The following CLVS1 variants were observed in gnomAD, a reference collection of about 807,000 sequenced individuals.
The protein encoded by CLVS1 is clavesin 1.
Under a neutral mutation model 33.1 loss-of-function variants are expected in CLVS1, and 10 were observed. The observed-to-expected ratio is 0.30, with a 90% CI of 0.19 to 0.51. The LOEUF (loss-of-function observed/expected upper bound fraction) is 0.51. Ranked by LOEUF, CLVS1 falls within the 20% of genes least tolerant of loss-of-function variation. The probability of loss-of-function intolerance (pLI) is 0.97; values close to 1 mark genes in which losing one functional copy is unlikely to be tolerated. For missense variants in CLVS1, 343 were observed against 433.4 expected, an observed-to-expected ratio of 0.79 and a Z score of 1.85; for synonymous variants, 163 against 166.1, an observed-to-expected ratio of 0.98 and a Z score of 0.14.
intron 3 of CLVS1, 63 bp downstream of exon 3, chr8:61,376,842 G>A (rs369730338): frequency 1.6e-5 from 22 of 1,407,510 alleles, no homozygotes; most frequent in African/African-American, 1.0e-4. Context: ...AAAAATTATC[G>A]CAACCAAAGT....
chr8:61,089,861 C>T (rs1302420987), intron 1 of CLVS1, among the ~76,000 whole-genome samples: 2 of 152,134 alleles, frequency 1.3e-5, no homozygotes, highest in Non-Finnish European at 2.9e-5. Context: ...ATCCAAGGCT[C>T]AGGTGAGCTG....
chr8:60,989,868 G>A, the CLVS1 span, among the ~76,000 whole-genome samples: 1 of 152,036 alleles, frequency 6.6e-6, no homozygotes, highest in Non-Finnish European at 1.5e-5. Context: ...ACTCATGCCT[G>A]TAATACCAGC....
intron 2 of CLVS1, among the ~76,000 whole-genome samples, chr8:61,163,774 A>G (rs1346624943): frequency 6.6e-6 from 1 of 152,208 alleles, no homozygotes; most frequent in Non-Finnish European, 1.5e-5. Flanking sequence ...GAACAATAGC[A>G]AGCCTTTAGG....
chr8:61,418,726 A>G (rs1202162873), intron 3 of CLVS1, among the ~76,000 whole-genome samples: 1 of 152,252 alleles, frequency 6.6e-6, no homozygotes, highest in East Asian at 1.9e-4. Context: ...GAAGCTTACA[A>G]GATGATCAGG....
chr8:61,255,498 A>C (rs1809059096), intron 2 of CLVS1, among the ~76,000 whole-genome samples: 1 of 152,216 alleles, frequency 6.6e-6, no homozygotes, highest in Non-Finnish European at 1.5e-5. Context: ...GTGTGTGTGG[A>C]GAGGTGAAGG....
chr8:61,293,280 A>G (rs1810062549), intron 1 of CLVS1, among the ~76,000 whole-genome samples: 1 of 152,162 alleles, frequency 6.6e-6, no homozygotes, highest in Non-Finnish European at 1.5e-5. Flanking sequence ...CAGATAGTTT[A>G]TATCTGTAAG....
chr8:61,304,822 G>C (rs1350186171), intron 2 of CLVS1, among the ~76,000 whole-genome samples: 1 of 152,070 alleles, frequency 6.6e-6, no homozygotes, highest in African/African-American at 2.4e-5. Context: ...AGGAAAAAAA[G>C]GTTAAAATTG....
chr8:61,244,505 G>T (rs550265662), intron 2 of CLVS1, among the ~76,000 whole-genome samples: 10 of 152,152 alleles, frequency 6.6e-5, no homozygotes, highest in African/African-American at 2.4e-4. Context: ...TTTTAATGTT[G>T]TTCAGTTCTT....
Position 61,288,069 on chromosome 8 carries a change from C to T in CLVS1, c.-221C>T, listed in dbSNP as rs574238705. 59 of 455,836 alleles carry T rather than the reference C, an allele frequency of 1.3e-4. No individual in the cohort carries two copies. Among genetic ancestry groups the T allele is most frequent in the Non-Finnish European group, 2.4e-4 (55 of 226,716 alleles). The allele number at this position is 455,836 out of a possible 1,614,324, so 28.2% of individuals were successfully genotyped here. The stretch of plus-strand genomic sequence containing the variant: ...AACCTGCCAGAATAGGGGATCTCAC[C>T]CACCCAGTTCAGCAGCGAGGACACC... On this transcript the variant is annotated 5_prime_UTR_variant, in exon 1 of 6. Coordinates refer to ENST00000325897, the MANE Select transcript of CLVS1 (RefSeq NM_173519.3).
chr8:61,302,288 A>G (rs1039491601), intron 2 of CLVS1, among the ~76,000 whole-genome samples: 3 of 152,228 alleles, frequency 2.0e-5, no homozygotes, highest in African/African-American at 7.2e-5. Context: ...ATGGAATAAC[A>G]TATCATATAT....
At chr8:61,355,339 A>C (rs867866798) in intron 2 of CLVS1, among the ~76,000 whole-genome samples, 9 of 152,020 alleles carry the variant, frequency 5.9e-5, no homozygotes, top group Admixed American at 1.3e-4. Flanking sequence ...TCAATTCAAA[A>C]TCAGTTGGAA....
chr8:61,091,010 A>G, intron 1 of CLVS1: 1 of 469,494 alleles, frequency 2.1e-6, no homozygotes, highest in South Asian at 1.6e-5. Context: ...ATACATTTGC[A>G]CCCTAATCCC....
chr8:61,493,375 A>T (rs1804162061), intron 5 of CLVS1, among the ~76,000 whole-genome samples: 1 of 152,258 alleles, frequency 6.6e-6, no homozygotes, highest in Non-Finnish European at 1.5e-5. Context: ...CTTATCTGCA[A>T]ATAGAGAAGA....
At chr8:61,048,771 C>T in the CLVS1 span, among the ~76,000 whole-genome samples, 2 of 152,158 alleles carry the variant, frequency 1.3e-5, no homozygotes, top group Non-Finnish European at 2.9e-5. Context: ...AGGCTAGACT[C>T]TACCTGAGAC....
At chr8:61,387,744 C>T (rs557709579) in intron 3 of CLVS1, among the ~76,000 whole-genome samples, 1 of 152,134 alleles carries the variant, frequency 6.6e-6, no homozygotes, top group Non-Finnish European at 1.5e-5. Flanking sequence ...GCTTTCCATT[C>T]CTGAGTTAGT....
intron 1 of CLVS1, among the ~76,000 whole-genome samples, chr8:61,105,765 T>TA (rs960858191): frequency 1.3e-5 from 2 of 148,560 alleles, no homozygotes; most frequent in African/African-American, 4.9e-5. Flanking sequence ...CTCTGAACAT[T>TA]TTTTTTTTTT....
At chr8:61,249,268 G>A (rs910364831) in intron 2 of CLVS1, among the ~76,000 whole-genome samples, 10 of 152,090 alleles carry the variant, frequency 6.6e-5, no homozygotes, top group Non-Finnish European at 1.2e-4. Flanking sequence ...TATTATGGCC[G>A]TATAGTATTC....
intron 2 of CLVS1, among the ~76,000 whole-genome samples, chr8:61,182,378 A>G (rs1807255762): frequency 6.6e-6 from 1 of 152,222 alleles, no homozygotes; most frequent in Non-Finnish European, 1.5e-5. Context: ...AGAAACTATC[A>G]TCAGAGTGAA....
chr8:61,395,690 G>T (rs1585910304), intron 3 of CLVS1, among the ~76,000 whole-genome samples: 1 of 152,138 alleles, frequency 6.6e-6, no homozygotes, highest in Non-Finnish European at 1.5e-5. Context: ...CTAAGAGTCT[G>T]CATTTTTATC....
Sources: gnomAD v4.1 joint callset for allele counts (sites outside exome capture counted in the v4.1 genomes callset) on GRCh38, gnomAD v4.1.1 for gene constraint, MANE v1.5 for transcripts, NCBI Gene and HGNC (gene_info 2026-07-23, HGNC 2026-07-21) for gene names.